SERGEF: variants seen among roughly 807,000 people sequenced by gnomAD.
SERGEF encodes the protein secretion regulating guanine nucleotide exchange factor.
Under a neutral mutation model 50.0 loss-of-function variants are expected in SERGEF, and 51 were observed. That is an observed-to-expected ratio of 1.02 (90% CI 0.81 to 1.29). The LOEUF is 1.29. Ranked by LOEUF, SERGEF falls within the 50% of genes most tolerant of loss-of-function variation. The probability of loss-of-function intolerance (pLI) is 0.00; values close to 1 mark genes in which losing one functional copy is unlikely to be tolerated. For synonymous variants in SERGEF, 205 were observed against 212.4 expected, an observed-to-expected ratio of 0.97 and a Z score of 0.30; for missense variants, 521 against 557.0, an observed-to-expected ratio of 0.94 and a Z score of 0.65.
intron 9 of SERGEF, among the ~76,000 whole-genome samples, chr11:17,882,772 C>A (rs1456544199): frequency 6.6e-6 from 1 of 152,132 alleles, no homozygotes; most frequent in Non-Finnish European, 1.5e-5. Flanking sequence ...GAGACAGACC[C>A]TGACATGCAC....
chr11:17,877,085 A>G (rs575841302), intron 10 of SERGEF, among the ~76,000 whole-genome samples: 125 of 152,242 alleles, frequency 8.2e-4, no homozygotes, highest in Non-Finnish European at 1.5e-3. Context: ...AATTCAGAAA[A>G]GAATGTGTGA....
intron 10 of SERGEF, among the ~76,000 whole-genome samples, chr11:17,817,840 C>T (rs1295175269): frequency 6.6e-6 from 1 of 152,192 alleles, no homozygotes; most frequent in Non-Finnish European, 1.5e-5. Context: ...CTCAAGCTCT[C>T]CTTGGTAAGG....
chr11:17,929,902 T>C (rs1429016049), intron 9 of SERGEF, among the ~76,000 whole-genome samples: 6 of 152,216 alleles, frequency 3.9e-5, no homozygotes, highest in Non-Finnish European at 8.8e-5. Flanking sequence ...TAGTCTCAGA[T>C]AGATGGTAAG....
At chr11:17,932,526 G>C (rs1852374324) in intron 9 of SERGEF, among the ~76,000 whole-genome samples, 1 of 152,142 alleles carries the variant, frequency 6.6e-6, no homozygotes, top group African/African-American at 2.4e-5. Context: ...ATGAGAAAGA[G>C]ACTGCTTAGA....
chr11:17,920,222 G>C (rs1220051130), intron 9 of SERGEF, among the ~76,000 whole-genome samples: 1 of 152,160 alleles, frequency 6.6e-6, no homozygotes. Flanking sequence ...ACTCCAGCCT[G>C]GGCAATAGAG....
In SERGEF at chr11:17,982,599, G is replaced by A. The variant is rs182960949; in HGVS notation, c.844+5998C>T. Among the ~76,000 whole-genome samples, 459 of 152,252 alleles carry A rather than the reference G, an allele frequency of 3.0e-3. 1 individual carries two copies. The highest frequency in any genetic ancestry group is 0.015 in the South Asian group (70 of 4,826). On this transcript the variant is annotated intron_variant, in intron 8 of 10. Transcript: ENST00000265965. The stretch of plus-strand genomic sequence containing the variant: ...CATGATATATGGTCCCAAAGAAGAT[G>A]GAGTAATGTATACTGTCACCCTATT...
intron 9 of SERGEF, among the ~76,000 whole-genome samples, chr11:17,893,042 T>G (rs1476700177): frequency 2.0e-5 from 3 of 152,192 alleles, no homozygotes; most frequent in Non-Finnish European, 4.4e-5. Context: ...AAGTAGTATA[T>G]GTTCAACAGG....
chr11:17,959,405 A>G (rs769394402), intron 9 of SERGEF, 65 bp downstream of exon 9: 1 of 1,457,796 alleles, frequency 6.9e-7, no homozygotes, highest in Non-Finnish European at 9.5e-7. Flanking sequence ...GTAGGCCCTC[A>G]GTAAATGATT....
chr11:17,978,944 T>C (rs1417219085), intron 8 of SERGEF, among the ~76,000 whole-genome samples: 1 of 152,224 alleles, frequency 6.6e-6, no homozygotes, highest in African/African-American at 2.4e-5. Context: ...CTGCTTCTGC[T>C]TCAGGTGCAC....
intron 10 of SERGEF, among the ~76,000 whole-genome samples, chr11:17,798,555 C>T (rs752961197): frequency 3.9e-5 from 6 of 152,224 alleles, no homozygotes; most frequent in Admixed American, 6.5e-5. Flanking sequence ...TGCTGTGGCA[C>T]GTTGGCTCCA....
At chr11:18,001,862 G>C (rs961888307) in intron 4 of SERGEF, 1 of 390,700 alleles carries the variant, frequency 2.6e-6, no homozygotes, top group Non-Finnish European at 5.0e-6. Context: ...CCCCATTAAG[G>C]CTTACCACAT....
intron 9 of SERGEF, among the ~76,000 whole-genome samples, chr11:17,937,408 G>T (rs961709251): frequency 6.6e-6 from 1 of 152,016 alleles, no homozygotes; most frequent in Middle Eastern, 3.2e-3. Flanking sequence ...GTGGTGGTGC[G>T]TGCCTATAGT....
chr11:17,963,181 CAAAAAAA>C (rs1164488575), intron 8 of SERGEF, among the ~76,000 whole-genome samples: 6 of 16,492 alleles, frequency 3.6e-4, no homozygotes, highest in Non-Finnish European at 6.0e-4. Flanking sequence ...GACTCTGTTT[CAAAAAAA>C]AAAAAAAAAA....
chr11:17,935,040 T>C (rs1852425002), intron 9 of SERGEF, among the ~76,000 whole-genome samples: 1 of 152,190 alleles, frequency 6.6e-6, no homozygotes, highest in Non-Finnish European at 1.5e-5. Flanking sequence ...AACCTGCCAG[T>C]AGGCAGCCAA....
At chr11:17,834,545 T>C (rs1488016778) in intron 10 of SERGEF, among the ~76,000 whole-genome samples, 2 of 152,202 alleles carry the variant, frequency 1.3e-5, no homozygotes, top group African/African-American at 4.8e-5. Context: ...TTTTTGCCCA[T>C]AGAATTAAAT....
At chr11:17,790,373 A>T (rs1565167776) in intron 10 of SERGEF, among the ~76,000 whole-genome samples, 1 of 151,506 alleles carries the variant, frequency 6.6e-6, no homozygotes, top group Non-Finnish European at 1.5e-5. Context: ...CTTTACACTC[A>T]TCATTGTTTT....
intron 9 of SERGEF, among the ~76,000 whole-genome samples, chr11:17,934,141 G>T (rs1190484922): frequency 1.3e-5 from 2 of 152,004 alleles, no homozygotes; most frequent in Admixed American, 6.6e-5. Flanking sequence ...GTATTGTCCA[G>T]GTATAGATAT....
At chr11:17,902,816 A>G (rs958987039) in intron 9 of SERGEF, among the ~76,000 whole-genome samples, 5 of 152,322 alleles carry the variant, frequency 3.3e-5, no homozygotes, top group Middle Eastern at 3.4e-3. Context: ...TGAGCTCATG[A>G]GCTTTCTAGA....
chr11:17,995,740 A>G, intron 6 of SERGEF, 56 bp downstream of exon 6: 1 of 1,194,296 alleles, frequency 8.4e-7, no homozygotes, highest in Non-Finnish European at 1.2e-6. Flanking sequence ...CTGCATGTTT[A>G]TGTCTCTACT....
Sources: gnomAD v4.1 joint callset for allele counts (sites outside exome capture counted in the v4.1 genomes callset) on GRCh38, gnomAD v4.1.1 for gene constraint, MANE v1.5 for transcripts, NCBI Gene and HGNC (gene_info 2026-07-23, HGNC 2026-07-21) for gene names.